INO80: variants seen among roughly 807,000 people sequenced by gnomAD.
INO80 encodes the protein INO80 complex ATPase subunit.
A neutral mutation model predicts 203.4 loss-of-function variants in INO80; 20 were observed. That is an observed-to-expected ratio of 0.10 (90% CI 0.07 to 0.14). The LOEUF (loss-of-function observed/expected upper bound fraction) is 0.14. Ranked by LOEUF, INO80 falls within the 10% of genes least tolerant of loss-of-function variation. INO80 has a pLI of 1.00. For synonymous variants in INO80, 726 were observed against 685.2 expected, an observed-to-expected ratio of 1.06 and a Z score of -0.93; for missense variants, 1,419 against 1,914.4, an observed-to-expected ratio of 0.74 and a Z score of 4.83.
At chr15:41,095,136 C>T (rs1030372767) in intron 4 of INO80, among the ~76,000 whole-genome samples, 6 of 151,838 alleles carry the variant, frequency 4.0e-5, no homozygotes, top group East Asian at 1.9e-4. Context: ...GTCAGGAGTT[C>T]GAGACCAACC....
At chr15:41,086,803 A>G (rs2045571219) in intron 6 of INO80, among the ~76,000 whole-genome samples, 1 of 152,188 alleles carries the variant, frequency 6.6e-6, no homozygotes, top group Non-Finnish European at 1.5e-5. Context: ...ACATGCAAAC[A>G]AACACTACAG....
At chr15:41,110,410 T>C (rs1466522201) in intron 1 of INO80, among the ~76,000 whole-genome samples, 1 of 151,882 alleles carries the variant, frequency 6.6e-6, no homozygotes. Context: ...CCCAAAGTGC[T>C]GGGATTACAG....
intron 14 of INO80, among the ~76,000 whole-genome samples, chr15:41,065,832 A>C (rs1251082636): frequency 6.6e-6 from 1 of 152,196 alleles, no homozygotes; most frequent in Non-Finnish European, 1.5e-5. Flanking sequence ...CACAGCAGTC[A>C]AATTTGTGGT....
intron 5 of INO80, among the ~76,000 whole-genome samples, chr15:41,089,844 A>C (rs1315084510): frequency 1.3e-5 from 2 of 152,236 alleles, no homozygotes; most frequent in African/African-American, 4.8e-5. Context: ...GTGTATGAAG[A>C]GCTTTCTAAG....
chr15:41,111,535 T>G (rs1449899316), intron 1 of INO80, among the ~76,000 whole-genome samples: 1 of 152,190 alleles, frequency 6.6e-6, no homozygotes, highest in Non-Finnish European at 1.5e-5. Context: ...GGCCACACAG[T>G]GGCTCACACC....
At chr15:40,988,333 C>CT (rs1396368501) in intron 29 of INO80, among the ~76,000 whole-genome samples, 2 of 152,042 alleles carry the variant, frequency 1.3e-5, no homozygotes, top group Non-Finnish European at 2.9e-5. Flanking sequence ...GTTATTTGTG[C>CT]TGAGAAAAAA....
chr15:41,115,837 T>C (rs968096873), intron 1 of INO80, 136 bp downstream of exon 1: 3 of 369,986 alleles, frequency 8.1e-6, no homozygotes, highest in African/African-American at 6.3e-5. Context: ...CCATCCTCCA[T>C]ACTAACCCCA....
chr15:41,025,910 T>C (rs2044368406), intron 25 of INO80, among the ~76,000 whole-genome samples: 1 of 152,226 alleles, frequency 6.6e-6, no homozygotes, highest in Non-Finnish European at 1.5e-5. Flanking sequence ...ATGGAAGCTC[T>C]TGGCTTTAAA....
intron 33 of INO80, 128 bp from the exon 34 acceptor site, chr15:40,984,049 GT>G: frequency 7.4e-7 from 1 of 1,352,738 alleles, no homozygotes; most frequent in Non-Finnish European, 1.0e-6. Flanking sequence ...GTCCTCATTT[GT>G]TTTTCTCCTT....
rs965891714 is a variant in INO80, at chr15:41,081,883, T to TA, written c.874-811dup. Reference sequence around the variant, plus strand: ...TTTAAGGGAATATATGAGCCTTTTATAAAAAAAAAACTCTTACTAATTAAA... The same window carrying TA: ...TTTAAGGGAATATATGAGCCTTTTATAAAAAAAAAAACTCTTACTAATTAAA... On this transcript the variant is annotated intron_variant, in intron 7 of 35. Coordinates refer to ENST00000648947, the MANE Select transcript of INO80 (RefSeq NM_017553.3). 9.7e-4 allele frequency among the ~76,000 whole-genome samples: 144 copies of TA among 147,742 alleles called. 1 individual carries two copies. The highest frequency in any genetic ancestry group is 2.6e-3 in the African/African-American group (106 of 40,336).
At chr15:41,005,826 A>C (rs2044032899) in intron 27 of INO80, 139 bp from the exon 28 acceptor site, 2 of 500,524 alleles carry the variant, frequency 4.0e-6, no homozygotes, top group Admixed American at 3.8e-5. Flanking sequence ...AGTAACCCCA[A>C]GAGTACAAGA....
intron 1 of INO80, among the ~76,000 whole-genome samples, chr15:41,108,495 G>A (rs897118843): frequency 6.6e-6 from 1 of 151,782 alleles, no homozygotes; most frequent in Non-Finnish European, 1.5e-5. Flanking sequence ...GGGAGGCTGA[G>A]GCAGGAGAAT....
At chr15:41,071,805 G>A (rs367815753) in intron 12 of INO80, 44 bp downstream of exon 12, 9 of 1,504,986 alleles carry the variant, frequency 6.0e-6, no homozygotes, top group Non-Finnish European at 8.3e-6. Context: ...AATGACTTTA[G>A]GAAAAGAGAT....
At chr15:41,112,209 C>T (rs900112617) in intron 1 of INO80, among the ~76,000 whole-genome samples, 11 of 152,198 alleles carry the variant, frequency 7.2e-5, no homozygotes, top group Admixed American at 2.6e-4. Context: ...GCCAAAAATA[C>T]TCTTCAAAAT....
chr15:41,023,155 C>A (rs539363583), intron 25 of INO80: 4 of 358,098 alleles, frequency 1.1e-5, no homozygotes, highest in Non-Finnish European at 2.2e-5. Flanking sequence ...TTGCTTCCAA[C>A]TTATTCATTT....
At chr15:41,021,986 T>A (rs186453299) in intron 25 of INO80, among the ~76,000 whole-genome samples, 188 of 152,358 alleles carry the variant, frequency 1.2e-3, no homozygotes, top group African/African-American at 4.4e-3. Flanking sequence ...CTAGCTTTTG[T>A]TAAAATGTGG....
chr15:41,115,435 T>C (rs886631147), intron 1 of INO80, among the ~76,000 whole-genome samples: 1 of 152,250 alleles, frequency 6.6e-6, no homozygotes, highest in Admixed American at 6.5e-5. Context: ...CCCAAGTCTA[T>C]GCAGGTGTCA....
chr15:41,097,162 C>G (rs1325827503), intron 1 of INO80, among the ~76,000 whole-genome samples: 2 of 152,200 alleles, frequency 1.3e-5, no homozygotes, highest in African/African-American at 4.8e-5. Flanking sequence ...TCTCCTGCCT[C>G]AGCCTCCTGA....
At chr15:41,053,586 T>A (rs1250819515) in intron 19 of INO80, among the ~76,000 whole-genome samples, 1 of 152,222 alleles carries the variant, frequency 6.6e-6, no homozygotes, top group African/African-American at 2.4e-5. Context: ...AAATACTTCA[T>A]AAACAAATAT....
Sources: gnomAD v4.1 joint callset for allele counts (sites outside exome capture counted in the v4.1 genomes callset) on GRCh38, gnomAD v4.1.1 for gene constraint, MANE v1.5 for transcripts, NCBI Gene and HGNC (gene_info 2026-07-23, HGNC 2026-07-21) for gene names.